XYLT2: variants seen among roughly 807,000 people sequenced by gnomAD.
The protein encoded by XYLT2 is UDP-D-xylose:proteoglycan core protein beta-D-xylosyltransferase.
XYLT2 carries 37 observed loss-of-function variants against 82.6 expected under a neutral mutation model. The observed-to-expected ratio is 0.45, with a 90% confidence interval of 0.34 to 0.59. XYLT2 has a LOEUF of 0.59. Ranked by LOEUF, XYLT2 falls within the 20% of genes least tolerant of loss-of-function variation. XYLT2 has a pLI of 0.01. For synonymous variants in XYLT2, 474 were observed against 499.0 expected (o/e 0.95, Z 0.67); for missense variants, 934 against 1,181.3 (o/e 0.79, Z 3.07).
chr17:50,347,869 C>T (rs1037164547), intron 1 of XYLT2, among the ~76,000 whole-genome samples: 2 of 152,242 alleles, frequency 1.3e-5, no homozygotes, highest in East Asian at 3.8e-4. Context: ...TCACCACTCT[C>T]TTCCAGCTCT....
chr17:50,349,426 G>T (rs1473281995), intron 1 of XYLT2, among the ~76,000 whole-genome samples: 3 of 151,934 alleles, frequency 2.0e-5, no homozygotes, highest in Non-Finnish European at 4.4e-5. Context: ...GGGAATGGGC[G>T]CCCCCAGCTC....
intron 1 of XYLT2, among the ~76,000 whole-genome samples, chr17:50,352,324 C>T (rs1472809734): frequency 6.6e-6 from 1 of 152,180 alleles, no homozygotes; most frequent in Non-Finnish European, 1.5e-5. Flanking sequence ...ACATGGTGGC[C>T]CCTGTTCCTC....
chr17:50,349,945 G>T (rs2526540), intron 1 of XYLT2, among the ~76,000 whole-genome samples: 10 of 151,688 alleles, frequency 6.6e-5, no homozygotes, highest in Admixed American at 1.3e-4. Flanking sequence ...CACTTTGGGA[G>T]GCTGAGGCGG....
intron 1 of XYLT2, among the ~76,000 whole-genome samples, chr17:50,349,323 C>T (rs1263010985): frequency 6.6e-6 from 1 of 152,206 alleles, no homozygotes; most frequent in African/African-American, 2.4e-5. Context: ...CTGCATTTAC[C>T]TTTCCTAGGG....
chr17:50,354,412 G>T lies in XYLT2; in HGVS notation c.633G>T (p.Lys211Asn), dbSNP rs1027227054. 18 of 1,606,918 alleles carry T rather than the reference G, an allele frequency of 1.1e-5. No individual in the cohort carries two copies. The highest frequency in any genetic ancestry group is 1.5e-5 in the Non-Finnish European group (18 of 1,176,960). Reference sequence around the variant, plus strand: ...ACGCCTGTCCTCTGCTCTCAGGGAAGATGAGCCCCGGCATCCAGTGGGATG... The same window carrying T: ...ACGCCTGTCCTCTGCTCTCAGGGAATATGAGCCCCGGCATCCAGTGGGATG... The part of the protein sequence containing the change: ...AVPRHCQLTG[K>N]MSPGIQWDES... The change falls in exon 3 of 11, where the codon AAG (lysine) becomes AAT (asparagine). Residue 211 changes from lysine to asparagine, a missense_variant. Physicochemically the swap from Lys to Asn is moderately conservative, Grantham distance 94. Coordinates refer to ENST00000017003, the MANE Select transcript of XYLT2 (RefSeq NM_022167.4).
intron 1 of XYLT2, among the ~76,000 whole-genome samples, chr17:50,350,542 G>T (rs1598348108): frequency 6.7e-6 from 1 of 150,174 alleles, no homozygotes; most frequent in African/African-American, 2.4e-5. Context: ...ACTCCAGCCT[G>T]GGCAATAGAG....
intron 2 of XYLT2, 40 bp from the exon 3 acceptor site, chr17:50,354,367 AC>A: frequency 6.4e-7 from 1 of 1,564,880 alleles, no homozygotes; most frequent in East Asian, 2.3e-5. Flanking sequence ...CCACCCTGTG[AC>A]CTAGGGTGGG....
At position 50,360,538 on chromosome 17, in the gene XYLT2, C is replaced by A; in HGVS notation, c.*247C>A. The A allele has an allele frequency of 8.1e-7, 1 of 1,240,980 alleles. No individual in the cohort carries two copies. Among genetic ancestry groups the A allele is most frequent in the Non-Finnish European group, 1.0e-6 (1 of 993,800 alleles). The allele number at this position is 1,240,980 out of a possible 1,614,324, so 76.9% of individuals were successfully genotyped here. On this transcript the variant is annotated 3_prime_UTR_variant, in exon 11 of 11. Coordinates refer to ENST00000017003, the MANE Select transcript of XYLT2 (RefSeq NM_022167.4). ...CAGCATTCCACACCCAGCTCTTCCT[C>A]ACCTTCCTGTCTAGTTTGAATTTCT...
rs1042635257 is a variant in XYLT2 at position 50,351,989 on chromosome 17, G to A, written c.136-1641G>A. On this transcript the variant is annotated intron_variant, in intron 1 of 10. Coordinates refer to ENST00000017003, the MANE Select transcript of XYLT2 (RefSeq NM_022167.4). ...CAAGGAAGCACCAAGAAGACCATAAGGAGTGGCAGTGGAGAGAGGAGAAAA... is the reference window on the plus strand; with the variant it reads ...CAAGGAAGCACCAAGAAGACCATAAAGAGTGGCAGTGGAGAGAGGAGAAAA... 4.6e-5 allele frequency among the ~76,000 whole-genome samples: 7 copies of A among 152,170 alleles called. No homozygotes were observed. The East Asian group carries it at 1.2e-3, about 25-fold the overall frequency.
chr17:50,361,051 A>C lies in XYLT2; in HGVS notation c.*760A>C, dbSNP rs1912787434. 5 of 985,818 alleles carry C rather than the reference A, an allele frequency of 5.1e-6. No homozygotes were observed. Among genetic ancestry groups the C allele is most frequent in the African/African-American group, 1.7e-5 (1 of 57,236 alleles). The allele number at this position is 985,818 out of a possible 1,614,324, so 61.1% of individuals were successfully genotyped here. A position where few individuals can be genotyped will look rare whatever the true frequency, so the allele number is the denominator to read the frequency against. ...AGGTCACATGAGCAGCGTGGGAAGA[A>C]GACTCTGTCAAGACTCTCAGAAGAA... is the stretch of plus-strand genomic sequence containing the variant. On this transcript the variant is annotated 3_prime_UTR_variant, in exon 11 of 11. Transcript: ENST00000017003.
Position 50,354,582 on chromosome 17 carries a change from A to G in XYLT2, c.803A>G (p.Lys268Arg). Reference sequence around the variant, plus strand: ...CACTTCTTTTACATCCATGTGGACAAGGTACTGTGGTGGGGAGAGGCCAAG... The same window carrying G: ...CACTTCTTTTACATCCATGTGGACAGGGTACTGTGGTGGGGAGAGGCCAAG... Reference protein sequence around the residue: ...EQHFFYIHVDKRSDYLHREVV... With the variant: ...EQHFFYIHVDRRSDYLHREVV... Residue 268 changes from lysine to arginine, a missense_variant and splice_region_variant, in exon 3 of 11, where the codon AAG (lysine) becomes AGG (arginine). By Grantham distance (26) the Lys-to-Arg change is conservative. This residue lies in a region of XYLT2 where 371 missense variants were observed against 394.9 expected (regional missense o/e 0.94). Coordinates refer to ENST00000017003, the MANE Select transcript of XYLT2 (RefSeq NM_022167.4). The G allele has an allele frequency of 6.2e-7, 1 of 1,606,722 alleles. No individual in the cohort carries two copies. The highest frequency in any genetic ancestry group is 8.5e-7 in the Non-Finnish European group (1 of 1,176,744).
rs1323995414 is a variant in XYLT2 at position 50,354,168 on chromosome 17, G to T, written c.628+46G>T. The T allele has an allele frequency of 1.4e-5, 22 of 1,596,994 alleles. No individual in the cohort carries two copies. The East Asian group carries it at 4.0e-4, about 29-fold the overall frequency. On this transcript the variant is annotated intron_variant, in intron 2 of 10. Coordinates refer to ENST00000017003, the MANE Select transcript of XYLT2 (RefSeq NM_022167.4). ...AGCCCTTCCCAGGCGGGGGCAGGGG[G>T]GTGGCATGGCCCGGATCCTCACCCC...
rs146138168 is a variant in XYLT2 at position 50,355,886 on chromosome 17, T to C, written c.1194T>C (p.Gly398=). The C allele has an allele frequency of 8.1e-6, 13 of 1,614,208 alleles. No homozygotes were observed. The African/African-American group carries it at 1.5e-4, about 18-fold the overall frequency. ...QIPAGIVVDG[G]SDWFVLTRSF... is the part of the protein sequence containing the mutation. ...CAGCAGGCATTGTGGTGGATGGCGG[T>C]TCTGACTGGTTCGTGCTGACACGCA... Residue 398 remains glycine (G), a synonymous_variant, in exon 6 of 11, where the codon GGT becomes GGC. Transcript: ENST00000017003.
chr17:50,349,420 A>G (rs956980432), intron 1 of XYLT2, among the ~76,000 whole-genome samples: 1 of 151,966 alleles, frequency 6.6e-6, no homozygotes, highest in Admixed American at 6.6e-5. Flanking sequence ...TCGGATGGGA[A>G]TGGGCGCCCC....
Position 50,346,215 on chromosome 17 carries a change from G to T in XYLT2, c.75G>T (p.Leu25=). 7.8e-7 allele frequency: 1 copy of T among 1,285,316 alleles called. No homozygotes were observed. Among genetic ancestry groups the T allele is most frequent in the Non-Finnish European group, 1.0e-6 (1 of 989,428 alleles). The allele number at this position is 1,285,316 out of a possible 1,614,324, so 79.6% of individuals were successfully genotyped here. ...CGATTGCCACGGCGCTGGCCATCCTGCTGCTGCAGGGCCTGGTAGTGTGGA... is the reference window on the plus strand; with the variant it reads ...CGATTGCCACGGCGCTGGCCATCCTTCTGCTGCAGGGCCTGGTAGTGTGGA... ...KLAIATALAI[L]LLQGLVVWSF... Residue 25 remains leucine (L), a synonymous_variant, in exon 1 of 11, where the codon CTG becomes CTT. Transcript: ENST00000017003. This position sits in a 1 kb window ranked among gnomAD's most constrained non-coding sequence, Gnocchi z 5.1.
intron 1 of XYLT2, 103 bp from the exon 2 acceptor site, chr17:50,353,527 G>A: frequency 6.8e-7 from 1 of 1,478,598 alleles, no homozygotes; most frequent in Non-Finnish European, 9.0e-7. Context: ...TAAAAGGTGG[G>A]CAGGAACATC....
chr17:50,355,051 A>C lies in XYLT2; in HGVS notation c.1002A>C (p.Pro334=). The change falls in exon 4 of 11, where the codon CCA becomes CCC. Residue 334 remains proline (P), a synonymous_variant. Coordinates refer to ENST00000017003, the MANE Select transcript of XYLT2 (RefSeq NM_022167.4). The part of the protein sequence containing the change: ...FFINLSATDY[P]TRTNEELVAF... ...TCAACCTCAGTGCCACTGACTATCCAACCAGGTGTGGGGATGGGGCTCTGA... is the reference window on the plus strand; with the variant it reads ...TCAACCTCAGTGCCACTGACTATCCCACCAGGTGTGGGGATGGGGCTCTGA... 6.5e-7 allele frequency: 1 copy of C among 1,530,436 alleles called. No individual in the cohort carries two copies. The highest frequency in any genetic ancestry group is 8.8e-7 in the Non-Finnish European group (1 of 1,139,852). The allele number at this position is 1,530,436 out of a possible 1,614,324, so 94.8% of individuals were successfully genotyped here. A position where few individuals can be genotyped will look rare whatever the true frequency, so the allele number is the denominator to read the frequency against.
At position 50,346,615 on chromosome 17, in the gene XYLT2, C is replaced by G; in HGVS notation, c.135+340C>G. 2.0e-6 allele frequency: 2 copies of G among 985,232 alleles called. No homozygotes were observed. Among genetic ancestry groups the G allele is most frequent in the Non-Finnish European group, 2.4e-6 (2 of 829,764 alleles). 61.0% of individuals were successfully genotyped at this position (985,232 alleles called of 1,614,324 possible). ...CTGGGAGGCGGGGCTGGGCCCGAACCTGCTCGGAGGTGGGGAGCCCCAGGC... is the reference window on the plus strand; with the variant it reads ...CTGGGAGGCGGGGCTGGGCCCGAACGTGCTCGGAGGTGGGGAGCCCCAGGC... On this transcript the variant is annotated intron_variant, in intron 1 of 10. Coordinates refer to ENST00000017003, the MANE Select transcript of XYLT2 (RefSeq NM_022167.4). This position sits in a 1 kb window ranked among gnomAD's most constrained non-coding sequence, Gnocchi z 5.1.
At position 50,356,016 on chromosome 17, in the gene XYLT2, A is replaced by T; in HGVS notation, c.1305+19A>T. The T allele has an allele frequency of 1.9e-6, 3 of 1,614,224 alleles. No homozygotes were observed. Among genetic ancestry groups the T allele is most frequent in the Non-Finnish European group, 2.5e-6 (3 of 1,180,024 alleles). On this transcript the variant is annotated intron_variant, in intron 6 of 10. Coordinates refer to ENST00000017003, the MANE Select transcript of XYLT2 (RefSeq NM_022167.4). ...AGCCGAGGTGGGTAGCCCAGCAGGC[A>T]TGAAGGCCAGGGAGGGCGTGGGTTG...
Sources: allele counts gnomAD v4.1 joint callset (sites outside exome capture counted in the v4.1 genomes callset), GRCh38; gene constraint gnomAD v4.1.1; regional missense constraint gnomAD v4.1.1; non-coding constraint Gnocchi (gnomAD v3.1); transcripts MANE v1.5; gene names NCBI Gene and HGNC (gene_info 2026-07-23, HGNC 2026-07-21).